The following MGAT4A variants were observed in gnomAD, a reference collection of about 807,000 sequenced individuals.
The protein encoded by MGAT4A is N-acetylglucosaminyltransferase IVa.
A neutral mutation model predicts 74.1 loss-of-function variants in MGAT4A; 33 were observed. That is an observed-to-expected ratio of 0.45 (90% CI 0.34 to 0.60). The LOEUF (loss-of-function observed/expected upper bound fraction) is 0.60. Among genes scored for constraint, MGAT4A ranks in the 20% least tolerant of loss-of-function variants. The pLI is 0.02. For synonymous variants in MGAT4A, 198 were observed against 210.4 expected, an observed-to-expected ratio of 0.94 and a Z score of 0.51; for missense variants, 479 against 628.3, an observed-to-expected ratio of 0.76 and a Z score of 2.54.
intron 10 of MGAT4A, among the ~76,000 whole-genome samples, chr2:98,641,794 A>T (rs1701415113): frequency 6.6e-6 from 1 of 151,896 alleles, no homozygotes; most frequent in South Asian, 2.1e-4. Flanking sequence ...CGAGATTGAG[A>T]CCATTCTGGC....
chr2:98,679,324 T>A (rs1024488869), intron 2 of MGAT4A, among the ~76,000 whole-genome samples: 69 of 143,616 alleles, frequency 4.8e-4, no homozygotes, highest in African/African-American at 1.8e-3. Context: ...GAGAATGGCA[T>A]GAACCCAGGA....
chr2:98,693,694 AAAG>A (rs1460805081), intron 2 of MGAT4A, among the ~76,000 whole-genome samples: 1 of 151,850 alleles, frequency 6.6e-6, no homozygotes, highest in East Asian at 1.9e-4. Flanking sequence ...AAAAAAAAAA[AAAG>A]ATCAACTGGG....
intron 10 of MGAT4A, among the ~76,000 whole-genome samples, 198 bp downstream of exon 10, chr2:98,643,725 A>T (rs1701446942): frequency 6.6e-6 from 1 of 152,256 alleles, no homozygotes. Flanking sequence ...AATGTACGTC[A>T]TCTTGTAACA....
intron 2 of MGAT4A, among the ~76,000 whole-genome samples, chr2:98,687,858 A>T (rs1226721615): frequency 1.3e-5 from 2 of 152,218 alleles, no homozygotes; most frequent in Non-Finnish European, 2.9e-5. Flanking sequence ...AACTGTGGGA[A>T]CTTGACAGAC....
intron 4 of MGAT4A, among the ~76,000 whole-genome samples, chr2:98,670,050 A>T (rs1377174695): frequency 2.6e-5 from 4 of 152,226 alleles, no homozygotes; most frequent in Non-Finnish European, 5.9e-5. Flanking sequence ...TAGTTACCAC[A>T]ACATAACCCA....
At chr2:98,659,039 A>G (rs1053452200) in intron 5 of MGAT4A, among the ~76,000 whole-genome samples, 2 of 152,214 alleles carry the variant, frequency 1.3e-5, no homozygotes, top group African/African-American at 4.8e-5. Flanking sequence ...GACATTTTCA[A>G]CCAAGTTCAG....
At chr2:98,677,168 T>C (rs1191889434) in intron 3 of MGAT4A, among the ~76,000 whole-genome samples, 4 of 152,226 alleles carry the variant, frequency 2.6e-5, no homozygotes, top group Non-Finnish European at 5.9e-5. Context: ...CTTGCCCTCA[T>C]CTTACTCTGA....
chr2:98,683,222 C>G (rs1217862175), intron 2 of MGAT4A, among the ~76,000 whole-genome samples: 1 of 152,118 alleles, frequency 6.6e-6, no homozygotes, highest in African/African-American at 2.4e-5. Flanking sequence ...GGACTGGATC[C>G]TGGACCAGAA....
At chr2:98,700,727 C>A (rs960079039) in intron 2 of MGAT4A, among the ~76,000 whole-genome samples, 3 of 151,984 alleles carry the variant, frequency 2.0e-5, no homozygotes, top group African/African-American at 7.2e-5. Flanking sequence ...CCCATCTCTA[C>A]TAAAAGTACA....
chr2:98,726,456 G>A lies in MGAT4A; in HGVS notation c.-124C>T. On this transcript the variant is annotated 5_prime_UTR_variant, in exon 2 of 16. Coordinates refer to ENST00000393487, the MANE Select transcript of MGAT4A (RefSeq NM_012214.3). ...TCTAGGCCAATAAAAATCAATAAGA[G>A]AGGTTCATTTCAGATGATCTGCAGG... 1 of 680,962 alleles carries A rather than the reference G, an allele frequency of 1.5e-6. No individual in the cohort carries two copies. The highest frequency in any genetic ancestry group is 2.4e-6 in the Non-Finnish European group (1 of 409,260). 42.2% of individuals were successfully genotyped at this position (680,962 alleles called of 1,614,324 possible).
chr2:98,726,430 C>G lies in MGAT4A; in HGVS notation c.-98G>C. On this transcript the variant is annotated 5_prime_UTR_variant, in exon 2 of 16. Coordinates refer to ENST00000393487, the MANE Select transcript of MGAT4A (RefSeq NM_012214.3). ...AGTCAACTGAATGCAGTACTCCTGG[C>G]TCTAGGCCAATAAAAATCAATAAGA... 1 of 891,408 alleles carries G rather than the reference C, an allele frequency of 1.1e-6. No individual in the cohort carries two copies. The highest frequency in any genetic ancestry group is 1.7e-6 in the Non-Finnish European group (1 of 582,358). 55.2% of individuals were successfully genotyped at this position (891,408 alleles called of 1,614,324 possible).
chr2:98,721,268 T>C lies in MGAT4A; in HGVS notation c.94+4971A>G, dbSNP rs1024880528. Among the ~76,000 whole-genome samples the C allele has an allele frequency of 2.6e-5, 4 of 152,188 alleles. No homozygotes were observed. In the South Asian group the frequency reaches 6.2e-4, roughly 24 times the overall value. Reference sequence around the variant, plus strand: ...TGAGGGAATTCATTGTTAGCAGACATGCCTTATAAGAAACACTAAGGGAAA... The same window carrying C: ...TGAGGGAATTCATTGTTAGCAGACACGCCTTATAAGAAACACTAAGGGAAA... On this transcript the variant is annotated intron_variant, in intron 2 of 15. Coordinates refer to ENST00000393487, the MANE Select transcript of MGAT4A (RefSeq NM_012214.3).
At chr2:98,653,131 A>T (rs539858564) in intron 8 of MGAT4A, among the ~76,000 whole-genome samples, 4,997 of 149,554 alleles carry the variant, frequency 0.033, 136 homozygotes, top group Non-Finnish European at 0.048. Context: ...CAAAAAAAAA[A>T]ATATACCAAA....
intron 1 of MGAT4A, among the ~76,000 whole-genome samples, chr2:98,728,732 G>C (rs374267304): frequency 1.4e-5 from 2 of 144,924 alleles, no homozygotes; most frequent in South Asian, 2.2e-4. Context: ...CTGGGTGACA[G>C]AGACTCAGTT....
chr2:98,624,293 T>G lies in MGAT4A; in HGVS notation c.*1273A>C, dbSNP rs1282035939. 1.1e-6 allele frequency: 1 copy of G among 950,582 alleles called. No homozygotes were observed. The highest frequency in any genetic ancestry group is 6.2e-5 in the Admixed American group (1 of 16,236). The allele number at this position is 950,582 out of a possible 1,614,324, so 58.9% of individuals were successfully genotyped here. A position where few individuals can be genotyped will look rare whatever the true frequency, so the allele number is the denominator to read the frequency against. ...TCCCAAAGTGCTGGGATTACAGGCGTGAGCCACAGCGCCTGGTGATAATTC... is the reference window on the plus strand; with the variant it reads ...TCCCAAAGTGCTGGGATTACAGGCGGGAGCCACAGCGCCTGGTGATAATTC... On this transcript the variant is annotated 3_prime_UTR_variant, in exon 16 of 16. Transcript: ENST00000393487.
chr2:98,666,823 A>AT (rs2104276446), intron 4 of MGAT4A, among the ~76,000 whole-genome samples: 1 of 152,322 alleles, frequency 6.6e-6, no homozygotes, highest in South Asian at 2.1e-4. Flanking sequence ...GCAAACAAGA[A>AT]TGGCATAAAG....
At chr2:98,686,700 C>A (rs947308469) in intron 2 of MGAT4A, among the ~76,000 whole-genome samples, 1 of 152,064 alleles carries the variant, frequency 6.6e-6, no homozygotes, top group African/African-American at 2.4e-5. Flanking sequence ...GTGCACACTG[C>A]CACACTCGGC....
chr2:98,655,729 A>G, intron 7 of MGAT4A: 1 of 434,672 alleles, frequency 2.3e-6, no homozygotes, highest in Non-Finnish European at 4.1e-6. Flanking sequence ...TATTCCCAAG[A>G]ACACTAATTC....
At chr2:98,726,017 G>A (rs1249267455) in intron 2 of MGAT4A, 2 of 478,552 alleles carry the variant, frequency 4.2e-6, no homozygotes, top group African/African-American at 3.8e-5. Context: ...GTTTCTCCAA[G>A]TACAATTATA....
Sources: gnomAD v4.1 joint callset for allele counts (sites outside exome capture counted in the v4.1 genomes callset) on GRCh38, gnomAD v4.1.1 for gene constraint, MANE v1.5 for transcripts, NCBI Gene and HGNC (gene_info 2026-07-23, HGNC 2026-07-21) for gene names.